RABGAP1: variants seen among roughly 807,000 people sequenced by gnomAD.
RABGAP1 encodes rab GTPase-activating protein 1.
A neutral mutation model predicts 137.6 loss-of-function variants in RABGAP1; 23 were observed. The observed-to-expected ratio is 0.17, with a 90% CI of 0.12 to 0.24. RABGAP1 has a LOEUF of 0.24. Among genes scored for constraint, RABGAP1 ranks in the 10% least tolerant of loss-of-function variants. RABGAP1 has a pLI of 1.00. For synonymous variants in RABGAP1, 451 were observed against 450.7 expected (o/e 1.00, Z -0.01); for missense variants, 906 against 1,275.8 (o/e 0.71, Z 4.42).
rs149254905 is a variant in RABGAP1 at position 122,999,406 on chromosome 9, G to A, written c.1374+640G>A. ...GCGTTTCACTCTGTTGGCCAGGCTG[G>A]TCTCGGACTCCTCACCTCAGGTCAT... is the stretch of plus-strand genomic sequence containing the variant. On this transcript the variant is annotated intron_variant, in intron 10 of 25. Coordinates refer to ENST00000373647, the MANE Select transcript of RABGAP1 (RefSeq NM_012197.4). 9.7e-3 allele frequency among the ~76,000 whole-genome samples: 1,472 copies of A among 151,842 alleles called. 28 individuals carry two copies. The highest frequency in any genetic ancestry group is 0.034 in the African/African-American group (1,398 of 41,364).
intron 1 of RABGAP1, among the ~76,000 whole-genome samples, chr9:122,951,694 C>G (rs1834260128): frequency 6.6e-6 from 1 of 152,096 alleles, no homozygotes; most frequent in South Asian, 2.1e-4. Flanking sequence ...CTCAGCCTCC[C>G]AAGTAGCTGG....
chr9:123,059,187 AG>A (rs2033866592), intron 13 of RABGAP1, among the ~76,000 whole-genome samples: 1 of 152,222 alleles, frequency 6.6e-6, no homozygotes, highest in Non-Finnish European at 1.5e-5. Flanking sequence ...CGGTTGTGCC[AG>A]TAGAAGTAAA....
chr9:123,016,908 T>C (rs1348903061), intron 12 of RABGAP1, among the ~76,000 whole-genome samples: 1 of 152,246 alleles, frequency 6.6e-6, no homozygotes, highest in African/African-American at 2.4e-5. Flanking sequence ...CACAATGCTT[T>C]ACACTTTTGA....
chr9:123,102,666 CA>C (rs1207254265), intron 25 of RABGAP1, among the ~76,000 whole-genome samples: 1 of 152,142 alleles, frequency 6.6e-6, no homozygotes, highest in African/African-American at 2.4e-5. Flanking sequence ...GAAGGACCCT[CA>C]GGAGTTCTTT....
chr9:123,005,326 C>T (rs1353703302), intron 10 of RABGAP1, among the ~76,000 whole-genome samples: 5 of 149,276 alleles, frequency 3.3e-5, no homozygotes, highest in Non-Finnish European at 5.9e-5. Context: ...ATATAAAATA[C>T]TTATAAATGT....
intron 14 of RABGAP1, among the ~76,000 whole-genome samples, chr9:123,066,921 T>C (rs1003985023): frequency 6.6e-6 from 1 of 152,228 alleles, no homozygotes; most frequent in Non-Finnish European, 1.5e-5. Context: ...CCCACACTAA[T>C]TATTTATCAA....
At chr9:123,079,169 G>A (rs1282123858) in intron 19 of RABGAP1, among the ~76,000 whole-genome samples, 1 of 148,046 alleles carries the variant, frequency 6.8e-6, no homozygotes, top group African/African-American at 2.5e-5. Context: ...GTGCCCCCTT[G>A]TTTGTTTCTT....
At chr9:123,060,966 G>A (rs1019227396) in intron 13 of RABGAP1, among the ~76,000 whole-genome samples, 4 of 152,310 alleles carry the variant, frequency 2.6e-5, no homozygotes, top group South Asian at 2.1e-4. Context: ...TAACATGTTA[G>A]TATATTTAAA....
intron 2 of RABGAP1, among the ~76,000 whole-genome samples, chr9:122,958,694 T>A (rs4838026): frequency 0.98 from 148,189 of 151,742 alleles, 72,464 homozygotes; most frequent in East Asian, 1. Context: ...AGTATAATTT[T>A]AAAAAAAAAT....
intron 13 of RABGAP1, among the ~76,000 whole-genome samples, chr9:123,046,645 A>G (rs1054955569): frequency 6.6e-6 from 1 of 152,250 alleles, no homozygotes; most frequent in African/African-American, 2.4e-5. Context: ...AGTGCTTGGC[A>G]TGCAGTAAGC....
chr9:123,020,487 A>C, intron 13 of RABGAP1, 28 bp downstream of exon 13: 1 of 1,493,292 alleles, frequency 6.7e-7, no homozygotes, highest in Non-Finnish European at 9.0e-7. Context: ...CAGCTTCAGC[A>C]TTAATCCTTT....
intron 13 of RABGAP1, among the ~76,000 whole-genome samples, chr9:123,023,196 T>G (rs1215300945): frequency 6.6e-6 from 1 of 152,122 alleles, no homozygotes; most frequent in Non-Finnish European, 1.5e-5. Context: ...TTTTTCTGTT[T>G]TGGAGATGGA....
chr9:122,980,891 A>G (rs1227247200), intron 2 of RABGAP1, among the ~76,000 whole-genome samples: 1 of 152,206 alleles, frequency 6.6e-6, no homozygotes, highest in Admixed American at 6.5e-5. Flanking sequence ...GCATTTTCAG[A>G]AAGTACCAGA....
intron 23 of RABGAP1, among the ~76,000 whole-genome samples, chr9:123,099,244 T>C (rs953076921): frequency 6.6e-6 from 1 of 152,294 alleles, no homozygotes. Context: ...TCAGAAACCA[T>C]TGGCCATTGA....
chr9:123,043,082 G>A lies in RABGAP1; in HGVS notation c.1795-22266G>A, dbSNP rs560020436. ...ATTTTATGCCCAAACTGTCATTCAA[G>A]TGTGAGGGTAAACTAAACTCATTTT... On this transcript the variant is annotated intron_variant, in intron 13 of 25. Coordinates refer to ENST00000373647, the MANE Select transcript of RABGAP1 (RefSeq NM_012197.4). Among the ~76,000 whole-genome samples, 17 of 152,286 alleles carry A rather than the reference G, an allele frequency of 1.1e-4. No homozygotes were observed. In the East Asian group the frequency reaches 3.3e-3, roughly 29 times the overall value.
At chr9:123,004,127 G>A (rs1416038123) in intron 10 of RABGAP1, among the ~76,000 whole-genome samples, 2 of 152,188 alleles carry the variant, frequency 1.3e-5, no homozygotes, top group Non-Finnish European at 2.9e-5. Flanking sequence ...ATTGAGAGGT[G>A]TGTGATATTA....
chr9:123,057,639 C>T (rs952528069), intron 13 of RABGAP1, among the ~76,000 whole-genome samples: 2 of 152,324 alleles, frequency 1.3e-5, no homozygotes, highest in East Asian at 1.9e-4. Context: ...CTCCTCACTT[C>T]CCAGACAGGG....
At chr9:123,009,094 T>C (rs527923472) in intron 10 of RABGAP1, among the ~76,000 whole-genome samples, 1 of 152,336 alleles carries the variant, frequency 6.6e-6, no homozygotes, top group African/African-American at 2.4e-5. Flanking sequence ...ACCTGGCCTG[T>C]CACTTGTTTT....
chr9:122,994,023 T>G (rs1836885395), intron 6 of RABGAP1, among the ~76,000 whole-genome samples: 1 of 152,212 alleles, frequency 6.6e-6, no homozygotes. Context: ...TTTTACTTAA[T>G]CCACTAACCG....
Sources: allele counts gnomAD v4.1 joint callset (sites outside exome capture counted in the v4.1 genomes callset), GRCh38; gene constraint gnomAD v4.1.1; transcripts MANE v1.5; gene names NCBI Gene and HGNC (gene_info 2026-07-23, HGNC 2026-07-21).